CDK14: variants seen among roughly 807,000 people sequenced by gnomAD.
The protein encoded by CDK14 is cyclin-dependent kinase 14.
In CDK14, 34 loss-of-function variants were observed where a neutral mutation model predicts 60.7. The ratio of observed to expected loss-of-function variants is 0.56; its 90% CI spans 0.43 to 0.75. CDK14 has a LOEUF of 0.75. Ranked by LOEUF, CDK14 falls within the 30% of genes least tolerant of loss-of-function variation. CDK14 has a pLI of 0.00. For synonymous variants in CDK14, 197 were observed against 203.7 expected (o/e 0.97, Z 0.28); for missense variants, 482 against 564.1 (o/e 0.85, Z 1.47).
At chr7:91,159,059 T>C (rs1801083429) in intron 14 of CDK14, among the ~76,000 whole-genome samples, 1 of 152,244 alleles carries the variant, frequency 6.6e-6, no homozygotes, top group Admixed American at 6.5e-5. Flanking sequence ...GAGTTGATAT[T>C]GTAGTAACCA....
At chr7:90,814,359 G>T (rs1201468068) in intron 5 of CDK14, among the ~76,000 whole-genome samples, 1 of 152,028 alleles carries the variant, frequency 6.6e-6, no homozygotes, top group Non-Finnish European at 1.5e-5. Context: ...AAAAACATGA[G>T]CCACATTTTA....
At chr7:90,898,810 A>C (rs1792414012) in intron 6 of CDK14, among the ~76,000 whole-genome samples, 1 of 152,012 alleles carries the variant, frequency 6.6e-6, no homozygotes, top group Non-Finnish European at 1.5e-5. Context: ...AGAAACCTGA[A>C]AATTATTTTT....
At chr7:91,116,575 T>TA (rs1234073575) in intron 13 of CDK14, among the ~76,000 whole-genome samples, 1 of 152,196 alleles carries the variant, frequency 6.6e-6, no homozygotes, top group East Asian at 1.9e-4. Flanking sequence ...CTATGCTGTC[T>TA]TTTTAAAAAT....
intron 2 of CDK14, among the ~76,000 whole-genome samples, chr7:90,658,959 G>A (rs1467090725): frequency 6.6e-6 from 1 of 152,148 alleles, no homozygotes; most frequent in Non-Finnish European, 1.5e-5. Context: ...TTACAATGGA[G>A]TATAGATTCA....
intron 2 of CDK14, chr7:90,709,398 G>A: frequency 1.9e-5 from 26 of 1,399,572 alleles, no homozygotes; most frequent in Admixed American, 3.2e-5. Flanking sequence ...ATGATGAGGT[G>A]CATCCCCTTG....
At chr7:90,941,033 G>C (rs1793916999) in intron 8 of CDK14, among the ~76,000 whole-genome samples, 1 of 152,178 alleles carries the variant, frequency 6.6e-6, no homozygotes, top group Admixed American at 6.5e-5. Flanking sequence ...GCCTTAAATA[G>C]GTTAGGGCCA....
At chr7:90,811,774 AAAAC>A (rs1316160861) in intron 5 of CDK14, among the ~76,000 whole-genome samples, 2 of 152,172 alleles carry the variant, frequency 1.3e-5, no homozygotes, top group Admixed American at 6.5e-5. Context: ...TTTACAAGAA[AAAAC>A]AAACAACCCC....
chr7:90,770,881 C>T (rs964304791), intron 4 of CDK14, among the ~76,000 whole-genome samples: 1 of 152,174 alleles, frequency 6.6e-6, no homozygotes, highest in African/African-American at 2.4e-5. Context: ...CAGGCTCCTC[C>T]AGGCCCTCTT....
At chr7:91,175,808 G>A (rs954720090) in intron 14 of CDK14, among the ~76,000 whole-genome samples, 5 of 145,742 alleles carry the variant, frequency 3.4e-5, no homozygotes, top group African/African-American at 5.1e-5. Context: ...GATTCATAAA[G>A]CAAGTCCTGA....
At chr7:90,960,496 GATTAAA>G (rs528087666) in intron 9 of CDK14, among the ~76,000 whole-genome samples, 154 of 152,216 alleles carry the variant, frequency 1.0e-3, no homozygotes, top group African/African-American at 3.4e-3. Context: ...TCTGATTTAA[GATTAAA>G]ATTAATTTAT....
At chr7:91,013,656 G>GTTTTTTTTTTTTTTTTTTT (rs56934476) in intron 10 of CDK14, among the ~76,000 whole-genome samples, 8 of 123,382 alleles carry the variant, frequency 6.5e-5, no homozygotes, top group African/African-American at 1.8e-4. Context: ...CATTGCCTCT[G>GTTTTTTTTTTTTTTTTTTT]TTTTTTTTTT....
chr7:91,193,419 TG>T (rs1437163530), intron 14 of CDK14, among the ~76,000 whole-genome samples: 2 of 152,194 alleles, frequency 1.3e-5, no homozygotes, highest in Non-Finnish European at 2.9e-5. Flanking sequence ...GAGTTCTTTG[TG>T]TCTGTTCTCT....
chr7:91,173,891 C>A (rs965449861), intron 14 of CDK14, among the ~76,000 whole-genome samples: 3 of 152,252 alleles, frequency 2.0e-5, no homozygotes, highest in African/African-American at 7.2e-5. Context: ...GGGGCACCCG[C>A]CATTGCACAG....
At chr7:91,015,744 C>A (rs1230122236) in intron 10 of CDK14, among the ~76,000 whole-genome samples, 5 of 149,570 alleles carry the variant, frequency 3.3e-5, no homozygotes, top group Admixed American at 3.3e-4. Flanking sequence ...TTTTTTTATA[C>A]CTTACTTCAT....
chr7:90,770,205 T>C (rs1804730358), intron 4 of CDK14, among the ~76,000 whole-genome samples: 1 of 152,236 alleles, frequency 6.6e-6, no homozygotes, highest in Admixed American at 6.5e-5. Context: ...TGAAAGTAGC[T>C]TAGATGTTTT....
At position 91,205,021 on chromosome 7, in the gene CDK14, A is replaced by T. The variant is rs189191310; in HGVS notation, c.*29-2144A>T. On this transcript the variant is annotated intron_variant, in intron 14 of 14. Coordinates refer to ENST00000380050, the MANE Select transcript of CDK14 (RefSeq NM_001287135.2). Reference sequence around the variant, plus strand: ...TGCAAATCAGTTCATACCCACTAGGATGGCTATAATTTTTTTTAAACAAAC... The same window carrying T: ...TGCAAATCAGTTCATACCCACTAGGTTGGCTATAATTTTTTTTAAACAAAC... 2.0e-5 allele frequency among the ~76,000 whole-genome samples: 3 copies of T among 152,216 alleles called. No homozygotes were observed. In the East Asian group the frequency reaches 5.8e-4, roughly 29 times the overall value.
intron 10 of CDK14, among the ~76,000 whole-genome samples, chr7:91,008,151 A>AAC (rs376733085): frequency 0.022 from 2,511 of 112,452 alleles, 140 homozygotes; most frequent in African/African-American, 0.077. Context: ...AAAAACAAAC[A>AAC]AAAAAAAACA....
intron 8 of CDK14, 52 bp downstream of exon 8, chr7:90,917,776 G>A (rs1181111995): frequency 1.3e-6 from 2 of 1,571,496 alleles, no homozygotes; most frequent in Non-Finnish European, 1.7e-6. Flanking sequence ...GAGAATGCCA[G>A]GCAGATGGTG....
chr7:91,110,682 C>T (rs1451277569), intron 12 of CDK14, among the ~76,000 whole-genome samples: 1 of 152,056 alleles, frequency 6.6e-6, no homozygotes, highest in Non-Finnish European at 1.5e-5. Flanking sequence ...AATAATATTC[C>T]TTTTTTTCTT....
Sources: allele counts gnomAD v4.1 joint callset (sites outside exome capture counted in the v4.1 genomes callset), GRCh38; gene constraint gnomAD v4.1.1; transcripts MANE v1.5; gene names NCBI Gene and HGNC (gene_info 2026-07-23, HGNC 2026-07-21).